WWC1: variants seen among roughly 807,000 people sequenced by gnomAD.
WWC1 encodes WW and C2 domain containing 1.
In WWC1, 55 loss-of-function variants were observed where a neutral mutation model predicts 138.4. The observed-to-expected ratio is 0.40, with a 90% CI of 0.32 to 0.50. WWC1 has a LOEUF of 0.50. WWC1 is among the 20% of genes least tolerant of loss of function. WWC1 has a pLI of 0.72. For missense variants in WWC1, 1,226 were observed against 1,420.4 expected (o/e 0.86, Z 2.20); for synonymous variants, 524 against 564.9 (o/e 0.93, Z 1.03).
At position 168,465,821 on chromosome 5, in the gene WWC1, G is replaced by C. The variant is rs531421100; in HGVS notation, c.3150+859G>C. On this transcript the variant is annotated intron_variant, in intron 21 of 22. Transcript: ENST00000265293. Reference sequence around the variant, plus strand: ...ATTCAACCTGCCTCGGCCTCCCAAAGTGTTGCGATTACAGGCATGAGCCAG... The same window carrying C: ...ATTCAACCTGCCTCGGCCTCCCAAACTGTTGCGATTACAGGCATGAGCCAG... Among the ~76,000 whole-genome samples the C allele has an allele frequency of 2.0e-5, 3 of 152,140 alleles. No homozygotes were observed. The South Asian group carries it at 6.2e-4, about 31-fold the overall frequency.
At chr5:168,407,406 A>T (rs1486035515) in intron 6 of WWC1, among the ~76,000 whole-genome samples, 1 of 152,290 alleles carries the variant, frequency 6.6e-6, no homozygotes, top group South Asian at 2.1e-4. Flanking sequence ...CCCCCTGTAC[A>T]TATCACCTCC....
intron 1 of WWC1, among the ~76,000 whole-genome samples, chr5:168,318,186 A>C (rs900513565): frequency 6.6e-6 from 1 of 152,168 alleles, no homozygotes; most frequent in African/African-American, 2.4e-5. Flanking sequence ...TCTTGGTTCC[A>C]GAAGTTCAGA....
chr5:168,320,918 G>A (rs75661163), intron 1 of WWC1, among the ~76,000 whole-genome samples: 2,900 of 152,234 alleles, frequency 0.019, 86 homozygotes, highest in African/African-American at 0.065. Flanking sequence ...GGAATGGAGC[G>A]GAAAGGTAGC....
intron 1 of WWC1, among the ~76,000 whole-genome samples, chr5:168,359,879 A>G (rs1005961734): frequency 1.3e-5 from 2 of 152,158 alleles, no homozygotes; most frequent in African/African-American, 4.8e-5. Context: ...AGTGTTAGTC[A>G]TACAGCCTTG....
intron 1 of WWC1, among the ~76,000 whole-genome samples, chr5:168,295,483 C>CGTGTGTGTGTGTGTGTGTGTGTGT (rs3138761): frequency 2.1e-5 from 3 of 142,484 alleles, no homozygotes; most frequent in African/African-American, 7.9e-5. Context: ...ATTTCTACTC[C>CGTGTGTGTGTGTGTGTGTGTGTGT]GTGTGTGTGT....
chr5:168,398,656 T>C (rs1188008559), intron 4 of WWC1, among the ~76,000 whole-genome samples: 2 of 151,574 alleles, frequency 1.3e-5, no homozygotes, highest in Non-Finnish European at 2.9e-5. Context: ...GTCAGTATTT[T>C]GAATAGTGGT....
intron 9 of WWC1, among the ~76,000 whole-genome samples, chr5:168,421,134 G>A (rs763038064): frequency 1.3e-4 from 20 of 152,200 alleles, no homozygotes; most frequent in Admixed American, 1.3e-4. Flanking sequence ...TGGTCATTCA[G>A]GAACTCAGGC....
intron 1 of WWC1, among the ~76,000 whole-genome samples, chr5:168,318,274 TTACACAGA>T (rs1338140779): frequency 2.6e-5 from 4 of 152,276 alleles, no homozygotes; most frequent in African/African-American, 9.6e-5. Context: ...CTGAGATCTA[TTACACAGA>T]TACCTTTTCT....
intron 10 of WWC1, among the ~76,000 whole-genome samples, chr5:168,422,450 G>A (rs1380689179): frequency 1.3e-5 from 2 of 152,034 alleles, no homozygotes; most frequent in Non-Finnish European, 2.9e-5. Flanking sequence ...GCAACATGGC[G>A]AAACTAAAAA....
chr5:168,407,521 C>A (rs1472456025), intron 6 of WWC1, among the ~76,000 whole-genome samples: 154 of 152,122 alleles, frequency 1.0e-3, no homozygotes, highest in Non-Finnish European at 1.3e-4. Context: ...CTATGAGAAA[C>A]AGAACAGTTT....
chr5:168,410,818 T>A (rs1241208437), intron 8 of WWC1, among the ~76,000 whole-genome samples: 2 of 152,238 alleles, frequency 1.3e-5, no homozygotes, highest in Non-Finnish European at 2.9e-5. Context: ...GTCTATCTTA[T>A]TATCTCCATG....
At position 168,292,371 on chromosome 5, in the gene WWC1, C is replaced by A; in HGVS notation, c.119+100C>A. On this transcript the variant is annotated intron_variant, in intron 1 of 22. Coordinates refer to ENST00000265293, the MANE Select transcript of WWC1 (RefSeq NM_015238.3). This position sits in a 1 kb window ranked among gnomAD's most constrained non-coding sequence, Gnocchi z 4.4. ...GGGACTGGGAGGGGGCAGGGGAGCT[C>A]TGCGTGCCTCTTGAGCTCTCTTCAG... 7.3e-7 allele frequency: 1 copy of A among 1,376,570 alleles called. No homozygotes were observed. Among genetic ancestry groups the A allele is most frequent in the Non-Finnish European group, 9.9e-7 (1 of 1,012,958 alleles). The allele number at this position is 1,376,570 out of a possible 1,614,324, so 85.3% of individuals were successfully genotyped here. A position where few individuals can be genotyped will look rare whatever the true frequency, so the allele number is the denominator to read the frequency against.
At chr5:168,343,690 C>T (rs543905686) in intron 1 of WWC1, among the ~76,000 whole-genome samples, 249 of 151,998 alleles carry the variant, frequency 1.6e-3, no homozygotes, top group Admixed American at 3.5e-3. Flanking sequence ...GGCGTGGTGG[C>T]GTGTGCCTGT....
At chr5:168,464,637 C>T (rs1354259574) in intron 20 of WWC1, 92 bp from the exon 21 acceptor site, 1 of 1,541,518 alleles carries the variant, frequency 6.5e-7, no homozygotes, top group African/African-American at 1.4e-5. Context: ...TGGATGCCTA[C>T]AAGAGAGGGT....
At chr5:168,311,283 T>C (rs1213213345) in intron 1 of WWC1, among the ~76,000 whole-genome samples, 1 of 150,832 alleles carries the variant, frequency 6.6e-6, no homozygotes, top group Non-Finnish European at 1.5e-5. Flanking sequence ...CCCTTTCTGG[T>C]CGAAGGCTAC....
intron 20 of WWC1, among the ~76,000 whole-genome samples, chr5:168,462,464 G>A (rs1756903071): frequency 6.6e-6 from 1 of 152,272 alleles, no homozygotes; most frequent in Non-Finnish European, 1.5e-5. Context: ...CCACACTTCT[G>A]ACCATTTAAT....
chr5:168,467,227 C>T (rs950023496), intron 21 of WWC1, among the ~76,000 whole-genome samples: 14 of 152,336 alleles, frequency 9.2e-5, no homozygotes, highest in African/African-American at 3.4e-4. Flanking sequence ...CCCTACACTC[C>T]AGCCTGGGCG....
intron 1 of WWC1, among the ~76,000 whole-genome samples, chr5:168,354,371 G>GT (rs1019033376): frequency 6.6e-6 from 1 of 151,788 alleles, no homozygotes; most frequent in Admixed American, 6.6e-5. Flanking sequence ...TTCATTTTTT[G>GT]TTTTTTAATA....
chr5:168,438,585 C>T (rs1282899183), intron 15 of WWC1, among the ~76,000 whole-genome samples: 1 of 152,080 alleles, frequency 6.6e-6, no homozygotes, highest in Non-Finnish European at 1.5e-5. Flanking sequence ...ATACACTTGG[C>T]TACAGGTCCA....
Sources: gnomAD v4.1 joint callset for allele counts (sites outside exome capture counted in the v4.1 genomes callset) on GRCh38, gnomAD v4.1.1 for gene constraint, Gnocchi (gnomAD v3.1) non-coding constraint, MANE v1.5 for transcripts, NCBI Gene and HGNC (gene_info 2026-07-23, HGNC 2026-07-21) for gene names.